Variants in PDZD2 observed in about 807,000 individuals in gnomAD.
The protein encoded by PDZD2 is PDZ domain-containing protein 2.
In PDZD2, 90 loss-of-function variants were observed where a neutral mutation model predicts 220.7. The observed-to-expected ratio is 0.41, with a 90% CI of 0.34 to 0.49. The LOEUF is 0.49. Among genes scored for constraint, PDZD2 ranks in the 20% least tolerant of loss-of-function variants. The probability of loss-of-function intolerance (pLI) is 0.28; values close to 1 mark genes in which losing one functional copy is unlikely to be tolerated. For synonymous variants in PDZD2, 1,375 were observed against 1,450.5 expected, an observed-to-expected ratio of 0.95 and a Z score of 1.18; for missense variants, 3,174 against 3,608.5, an observed-to-expected ratio of 0.88 and a Z score of 3.08.
At chr5:31,969,191 A>G (rs1481710406) in intron 2 of PDZD2, among the ~76,000 whole-genome samples, 1 of 152,040 alleles carries the variant, frequency 6.6e-6, no homozygotes, top group Non-Finnish European at 1.5e-5. Flanking sequence ...AGTGAGAAGG[A>G]AAGTGAGAAA....
chr5:31,835,980 T>C (rs1756921607), intron 2 of PDZD2, among the ~76,000 whole-genome samples: 1 of 152,220 alleles, frequency 6.6e-6, no homozygotes, highest in African/African-American at 2.4e-5. Context: ...TCATAAACCC[T>C]TGTGGGTCTC....
At chr5:31,873,871 C>T (rs1306109370) in intron 2 of PDZD2, among the ~76,000 whole-genome samples, 1 of 152,008 alleles carries the variant, frequency 6.6e-6, no homozygotes, top group Non-Finnish European at 1.5e-5. Context: ...GCTGGGAGTA[C>T]AGGCATGCAT....
intron 2 of PDZD2, among the ~76,000 whole-genome samples, chr5:31,810,108 C>G (rs938262304): frequency 6.6e-6 from 1 of 152,110 alleles, no homozygotes; most frequent in Non-Finnish European, 1.5e-5. Context: ...CAACTTCATA[C>G]CCGTCTATCT....
intron 6 of PDZD2, among the ~76,000 whole-genome samples, chr5:32,013,174 C>G (rs974261814): frequency 1.3e-5 from 2 of 152,054 alleles, no homozygotes; most frequent in African/African-American, 4.8e-5. Flanking sequence ...ATTAAAGGGT[C>G]TTCTGAAACA....
intron 24 of PDZD2, among the ~76,000 whole-genome samples, chr5:32,106,687 C>T (rs1744796716): frequency 6.6e-6 from 1 of 152,216 alleles, no homozygotes; most frequent in African/African-American, 2.4e-5. Context: ...CCCAGGTGAA[C>T]ACTCACAAAA....
intron 2 of PDZD2, among the ~76,000 whole-genome samples, chr5:31,916,794 A>T (rs1743726258): frequency 6.6e-6 from 1 of 152,202 alleles, no homozygotes; most frequent in Non-Finnish European, 1.5e-5. Context: ...ATTAGTGTCC[A>T]GATGCCTGGG....
In PDZD2 at chr5:32,057,707, A is replaced by G; in HGVS notation, c.1953A>G (p.Gln651=). The change falls in exon 11 of 25, where the codon CAA becomes CAG. Residue 651 remains glutamine, a synonymous_variant. Transcript: ENST00000438447. Reference sequence around the variant, plus strand: ...TACCAATAAAGGGCTTGACATTTCAAGAAGCCATTCATACCTTTAAGGTAA... The same window carrying G: ...TACCAATAAAGGGCTTGACATTTCAGGAAGCCATTCATACCTTTAAGGTAA... ...NGIPIKGLTF[Q]EAIHTFKQIR... 1.3e-6 allele frequency: 2 copies of G among 1,592,242 alleles called. No homozygotes were observed. Among genetic ancestry groups the G allele is most frequent in the South Asian group, 2.2e-5 (2 of 89,946 alleles).
At position 32,090,309 on chromosome 5, in the gene PDZD2, G is replaced by A. The variant is rs911161128; in HGVS notation, c.6861G>A (p.Ser2287=). The change falls in exon 20 of 25, where the codon TCG becomes TCA. Residue 2287 remains serine, a synonymous_variant. Coordinates refer to ENST00000438447, the MANE Select transcript of PDZD2 (RefSeq NM_178140.4). The surrounding 1 kb of genome is among the most constrained non-coding windows in gnomAD (Gnocchi z 4.3). ...GTGTAAAGCCGCTGCTGGACACATCGAGGAATCTTCCAGCCACAGATGAAG... is the reference window on the plus strand; with the variant it reads ...GTGTAAAGCCGCTGCTGGACACATCAAGGAATCTTCCAGCCACAGATGAAG... ...IYSVKPLLDT[S]RNLPATDEGD... The A allele has an allele frequency of 9.9e-6, 16 of 1,614,050 alleles. No individual in the cohort carries two copies. In the East Asian group the frequency reaches 1.6e-4, roughly 16 times the overall value.
Position 31,799,325 on chromosome 5 carries a change from G to A in PDZD2, c.77G>A (p.Gly26Asp), listed in dbSNP as rs1254116544. 5.0e-6 allele frequency: 8 copies of A among 1,614,084 alleles called. No individual in the cohort carries two copies. The highest frequency in any genetic ancestry group is 6.8e-6 in the Non-Finnish European group (8 of 1,180,032). The change falls in exon 2 of 25, where the codon GGT becomes GAT. Residue 26 changes from glycine (G) to aspartate (D), a missense_variant. Transcript: ENST00000438447. Reference protein sequence around the residue: ...YQWLQNSLQEGGDGPEQRLCQ... With the variant: ...YQWLQNSLQEDGDGPEQRLCQ... ...TGGCTGCAGAACAGCCTGCAGGAAG[G>A]TGGGGATGGGCCGGAGCAGCGGCTC...
At chr5:31,956,965 G>T (rs989423474) in intron 2 of PDZD2, among the ~76,000 whole-genome samples, 1 of 151,974 alleles carries the variant, frequency 6.6e-6, no homozygotes, top group Non-Finnish European at 1.5e-5. Context: ...ATCATACCTC[G>T]CTGTAGCCTC....
At chr5:31,978,501 C>T (rs541148024) in intron 2 of PDZD2, among the ~76,000 whole-genome samples, 25 of 152,192 alleles carry the variant, frequency 1.6e-4, no homozygotes, top group South Asian at 1.2e-3. Context: ...GGGCGGATCA[C>T]GAGGTCAGGA....
intron 2 of PDZD2, among the ~76,000 whole-genome samples, chr5:31,803,462 C>T (rs1259205079): frequency 6.6e-6 from 1 of 151,750 alleles, no homozygotes; most frequent in East Asian, 1.9e-4. Flanking sequence ...GGGTAGGTGG[C>T]TGAGTGTGCT....
chr5:31,877,335 C>T (rs950739597), intron 2 of PDZD2, among the ~76,000 whole-genome samples: 1 of 152,098 alleles, frequency 6.6e-6, no homozygotes, highest in Non-Finnish European at 1.5e-5. Context: ...CCCACTTCAG[C>T]CTCCCAAGTA....
chr5:31,779,573 C>A (rs1247627806), intron 1 of PDZD2, among the ~76,000 whole-genome samples: 1 of 151,892 alleles, frequency 6.6e-6, no homozygotes, highest in African/African-American at 2.4e-5. Context: ...CGGGGTTTCA[C>A]CATGTTAGCC....
intron 2 of PDZD2, among the ~76,000 whole-genome samples, chr5:31,806,529 C>T (rs1754722545): frequency 2.0e-5 from 3 of 152,140 alleles, no homozygotes. Context: ...TTCTAGAGAA[C>T]TTTCTGGGAA....
At position 31,973,414 on chromosome 5, in the gene PDZD2, A is replaced by G. The variant is rs371492973; in HGVS notation, c.477-9741A>G. 1.7e-4 allele frequency among the ~76,000 whole-genome samples: 26 copies of G among 152,228 alleles called. 1 individual carries two copies. Among genetic ancestry groups the G allele is most frequent in the Admixed American group, 7.2e-4 (11 of 15,282 alleles). ...TGATCATATCATTTAGCTGCTTTTTATCTGGTGTTTTCTGTAGTTCTCCCT... is the reference window on the plus strand; with the variant it reads ...TGATCATATCATTTAGCTGCTTTTTGTCTGGTGTTTTCTGTAGTTCTCCCT... On this transcript the variant is annotated intron_variant, in intron 2 of 24. Coordinates refer to ENST00000438447, the MANE Select transcript of PDZD2 (RefSeq NM_178140.4).
rs1743965770 is a variant in PDZD2, at chr5:32,098,667, T to A, written c.8218+33T>A. 1 of 1,585,450 alleles carries A rather than the reference T, an allele frequency of 6.3e-7. No homozygotes were observed. Among genetic ancestry groups the A allele is most frequent in the Non-Finnish European group, 8.6e-7 (1 of 1,163,092 alleles). ...GATCATTTCAACAACCAGCAGGCTG[T>A]GAGCTACTGCAGAAAGAGGAGATTC... On this transcript the variant is annotated intron_variant, in intron 23 of 24. Coordinates refer to ENST00000438447, the MANE Select transcript of PDZD2 (RefSeq NM_178140.4). This position sits in a 1 kb window ranked among gnomAD's most constrained non-coding sequence, Gnocchi z 4.1.
chr5:31,837,548 C>T (rs1383132097), intron 2 of PDZD2, among the ~76,000 whole-genome samples: 1 of 152,108 alleles, frequency 6.6e-6, no homozygotes, highest in Non-Finnish European at 1.5e-5. Flanking sequence ...CCTGGTGAAA[C>T]CCTGTTTCTA....
At chr5:31,835,743 A>G (rs1756909957) in intron 2 of PDZD2, among the ~76,000 whole-genome samples, 1 of 152,204 alleles carries the variant, frequency 6.6e-6, no homozygotes, top group African/African-American at 2.4e-5. Flanking sequence ...GCTGATGTTT[A>G]ACTTTTCATC....
Sources: allele counts gnomAD v4.1 joint callset (sites outside exome capture counted in the v4.1 genomes callset), GRCh38; gene constraint gnomAD v4.1.1; non-coding constraint Gnocchi (gnomAD v3.1); transcripts MANE v1.5; gene names NCBI Gene and HGNC (gene_info 2026-07-23, HGNC 2026-07-21).